Variants in ATR observed in about 807,000 individuals in gnomAD.
ATR encodes serine/threonine-protein kinase ATR.
ATR carries 142 observed loss-of-function variants against 305.3 expected under a neutral mutation model. The observed-to-expected ratio is 0.47, with a 90% CI of 0.41 to 0.53. ATR has a LOEUF of 0.53. ATR is among the 20% of genes least tolerant of loss of function. The pLI is 0.00. For missense variants in ATR, 2,135 were observed against 3,133.1 expected (o/e 0.68, Z 7.60); for synonymous variants, 1,050 against 1,068.1 (o/e 0.98, Z 0.33).
intron 3 of ATR, among the ~76,000 whole-genome samples, chr3:142,565,476 G>C (rs553964241): frequency 3.9e-5 from 6 of 152,208 alleles, no homozygotes; most frequent in African/African-American, 1.4e-4. Flanking sequence ...TAGAATAGCG[G>C]TCAGCAAACT....
chr3:142,497,052 A>G lies in ATR; in HGVS notation c.5699T>C (p.Ile1900Thr), dbSNP rs2031690162. 1 of 1,613,564 alleles carries G rather than the reference A, an allele frequency of 6.2e-7. No individual in the cohort carries two copies. The highest frequency in any genetic ancestry group is 8.5e-7 in the Non-Finnish European group (1 of 1,179,824). Residue 1900 changes from isoleucine (I) to threonine (T), a missense_variant, in exon 33 of 47, where the codon ATC becomes ACC. Physicochemically the swap from Ile to Thr is moderately conservative, Grantham distance 89. This residue lies in a region of ATR where 30 missense variants were observed against 26.7 expected (regional missense o/e 1.12). Transcript: ENST00000350721. ...TAGTAAAGCCCTCCGGAGAGCCAGGATAGGCTCCTTGGCTCTGTAGGAATT... is the reference window on the plus strand; with the variant it reads ...TAGTAAAGCCCTCCGGAGAGCCAGGGTAGGCTCCTTGGCTCTGTAGGAATT... ...TQNSYRAKEP[I>T]LALRRALLSL...
At chr3:142,533,500 T>C (rs961267265) in intron 21 of ATR, among the ~76,000 whole-genome samples, 13 of 152,226 alleles carry the variant, frequency 8.5e-5, no homozygotes, top group African/African-American at 2.9e-4. Flanking sequence ...TATTCAACTT[T>C]AATGCTATCT....
In ATR at chr3:142,562,229, T is replaced by C. The variant is rs1294898849; in HGVS notation, c.1170+3A>G. On this transcript the variant is annotated splice_donor_region_variant and intron_variant, in intron 4 of 46. Coordinates refer to ENST00000350721, the MANE Select transcript of ATR (RefSeq NM_001184.4). ...TTAACTAGTAACCTGAAAAATTACTTACCTCTGCATCTACCTCAATTCCAA... is the reference window on the plus strand; with the variant it reads ...TTAACTAGTAACCTGAAAAATTACTCACCTCTGCATCTACCTCAATTCCAA... The C allele has an allele frequency of 3.1e-6, 5 of 1,614,042 alleles. No individual in the cohort carries two copies. The highest frequency in any genetic ancestry group is 3.3e-5 in the Admixed American group (2 of 60,020).
chr3:142,542,007 C>G (rs2034069114), intron 17 of ATR, among the ~76,000 whole-genome samples: 1 of 152,102 alleles, frequency 6.6e-6, no homozygotes, highest in Non-Finnish European at 1.5e-5. Flanking sequence ...TTATCAATAT[C>G]TAAAATTTTA....
At chr3:142,532,429 T>C (rs1389225068) in intron 21 of ATR, among the ~76,000 whole-genome samples, 1 of 152,226 alleles carries the variant, frequency 6.6e-6, no homozygotes, top group Non-Finnish European at 1.5e-5. Context: ...GGTTTCTTAA[T>C]TTGATCTCTA....
chr3:142,459,302 C>A lies in ATR; in HGVS notation c.7274G>T (p.Arg2425Leu). Residue 2425 changes from arginine to leucine, a missense_variant, in exon 43 of 47, where the codon CGA (arginine) becomes CTA (leucine). By Grantham distance (102) the Arg-to-Leu change is moderately radical. This residue lies in a region of ATR where 462 missense variants were observed against 887.6 expected (regional missense o/e 0.52). Transcript: ENST00000350721. ...AGGATGCCTGGGCAGGAGAAATTCT[C>A]GGAATACTTTGAGTTTTTCAGATAA... ...AALSEKLKVF[R>L]EFLLPRHPPI... 6.2e-7 allele frequency: 1 copy of A among 1,613,782 alleles called. No homozygotes were observed. The highest frequency in any genetic ancestry group is 8.5e-7 in the Non-Finnish European group (1 of 1,179,814).
At chr3:142,453,808 C>T (rs1462639205) in intron 45 of ATR, among the ~76,000 whole-genome samples, 1 of 152,238 alleles carries the variant, frequency 6.6e-6, no homozygotes, top group African/African-American at 2.4e-5. Flanking sequence ...CCGTCTTCCT[C>T]TAACATGCAA....
chr3:142,475,327 C>T (rs2071408297), intron 36 of ATR, among the ~76,000 whole-genome samples: 1 of 152,062 alleles, frequency 6.6e-6, no homozygotes, highest in South Asian at 2.1e-4. Flanking sequence ...CAATTCCCAG[C>T]TATGAATGAG....
At position 142,472,015 on chromosome 3, in the gene ATR, A is replaced by ATTCT. The variant is rs557907934; in HGVS notation, c.6222-1833_6222-1832insAGAA. The ATTCT allele has an allele frequency of 1.8e-3, 272 of 152,172 alleles. 1 individual carries two copies. Among genetic ancestry groups the ATTCT allele is most frequent in the African/African-American group, 6.4e-3 (267 of 41,504 alleles). 9.4% of individuals were successfully genotyped at this position (152,172 alleles called of 1,614,324 possible). The stretch of plus-strand genomic sequence containing the variant: ...GTGCCAGGCTTACTTCACTTAGAAT[A>ATTCT]ATCTCCAGGTTCATCCATCTTCGCA... On this transcript the variant is annotated intron_variant, in intron 36 of 46. Transcript: ENST00000350721.
intron 4 of ATR, 47 bp downstream of exon 4, chr3:142,562,185 T>G (rs1577702265): frequency 6.3e-7 from 1 of 1,594,422 alleles, no homozygotes; most frequent in East Asian, 2.2e-5. Flanking sequence ...TACAATTAAA[T>G]GATGAACAAA....
intron 45 of ATR, among the ~76,000 whole-genome samples, chr3:142,454,082 G>A (rs1354282805): frequency 6.6e-6 from 1 of 152,146 alleles, no homozygotes; most frequent in Admixed American, 6.5e-5. Context: ...TGTAGTAACA[G>A]GCCCCATGTG....
intron 41 of ATR, among the ~76,000 whole-genome samples, chr3:142,464,038 C>T (rs1265600530): frequency 6.6e-6 from 1 of 152,124 alleles, no homozygotes; most frequent in African/African-American, 2.4e-5. Flanking sequence ...TATAATAACC[C>T]TTTAATAAGA....
chr3:142,525,015 C>T (rs1272164629), intron 21 of ATR, among the ~76,000 whole-genome samples: 2 of 152,158 alleles, frequency 1.3e-5, no homozygotes, highest in African/African-American at 2.4e-5. Flanking sequence ...TACTGTAATA[C>T]ATTTCAAAAG....
intron 32 of ATR, 112 bp from the exon 33 acceptor site, chr3:142,497,304 C>A: frequency 8.9e-7 from 1 of 1,121,286 alleles, no homozygotes; most frequent in South Asian, 1.4e-5. Context: ...ACACAGTTGT[C>A]TTTGGTAGAA....
Position 142,450,690 on chromosome 3 carries a change from G to A in ATR, c.7762-1088C>T, listed in dbSNP as rs2070768349. On this transcript the variant is annotated intron_variant, in intron 46 of 46. Coordinates refer to ENST00000350721, the MANE Select transcript of ATR (RefSeq NM_001184.4). The stretch of plus-strand genomic sequence containing the variant: ...ATGCAATTTAAAAAATCCTGATTAA[G>A]GGTGCAACAAAAACACATTACATGA... 7 of 1,593,728 alleles carry A rather than the reference G, an allele frequency of 4.4e-6. No individual in the cohort carries two copies. The South Asian group carries it at 4.4e-5, about 10-fold the overall frequency.
chr3:142,465,465 T>G lies in ATR; in HGVS notation c.6898-225A>C, dbSNP rs1472774658. ...TCACCCATTAAAAATAGCTATGACA[T>G]AAAAAGATTACTTCATCGCCAATAC... is the stretch of plus-strand genomic sequence containing the variant. On this transcript the variant is annotated intron_variant, in intron 40 of 46. Coordinates refer to ENST00000350721, the MANE Select transcript of ATR (RefSeq NM_001184.4). The G allele has an allele frequency of 4.0e-5, 12 of 298,282 alleles. No individual in the cohort carries two copies. In the South Asian group the frequency reaches 9.7e-4, roughly 24 times the overall value. The allele number at this position is 298,282 out of a possible 1,614,324, so 18.5% of individuals were successfully genotyped here.
chr3:142,554,902 T>C (rs1209485468), intron 10 of ATR, among the ~76,000 whole-genome samples: 6 of 150,802 alleles, frequency 4.0e-5, no homozygotes, highest in African/African-American at 1.5e-4. Flanking sequence ...CACTCTAGCC[T>C]GGGTGACAGA....
intron 36 of ATR, among the ~76,000 whole-genome samples, chr3:142,484,184 C>A (rs1214296641): frequency 2.0e-5 from 3 of 152,138 alleles, no homozygotes; most frequent in Non-Finnish European, 2.9e-5. Context: ...GTCAAAAGAT[C>A]CTCATCCCAG....
chr3:142,462,114 TA>T (rs1474026608), intron 41 of ATR, 24 bp from the exon 42 acceptor site: 1 of 1,600,096 alleles, frequency 6.2e-7, no homozygotes, highest in South Asian at 1.1e-5. Flanking sequence ...CACATAAATT[TA>T]AAAACAAGAT....
Sources: gnomAD v4.1 joint callset for allele counts (sites outside exome capture counted in the v4.1 genomes callset) on GRCh38, gnomAD v4.1.1 for gene constraint, gnomAD v4.1.1 regional missense constraint, MANE v1.5 for transcripts, NCBI Gene and HGNC (gene_info 2026-07-23, HGNC 2026-07-21) for gene names.